MMP26: variants seen among roughly 807,000 people sequenced by gnomAD.
MMP26 encodes matrix metalloproteinase-26.
Under a neutral mutation model 31.0 loss-of-function variants are expected in MMP26, and 33 were observed. The ratio of observed to expected loss-of-function variants is 1.06; its 90% CI spans 0.81 to 1.42. The LOEUF (loss-of-function observed/expected upper bound fraction) is 1.42. MMP26 is among the 40% of genes most tolerant of loss of function. The pLI, the probability that MMP26 is intolerant of heterozygous loss-of-function variation, is 0.00. For synonymous variants in MMP26, 122 were observed against 114.9 expected (o/e 1.06, Z -0.40); for missense variants, 347 against 316.1 (o/e 1.10, Z -0.74).
chr11:4,866,702 A>G (rs1850239476), intron 2 of MMP26, among the ~76,000 whole-genome samples: 1 of 152,194 alleles, frequency 6.6e-6, no homozygotes, highest in Non-Finnish European at 1.5e-5. Flanking sequence ...GGCTACAGTA[A>G]CCAAAACAGC....
chr11:4,856,506 C>T (rs1334683168), intron 2 of MMP26, among the ~76,000 whole-genome samples: 1 of 152,178 alleles, frequency 6.6e-6, no homozygotes, highest in African/African-American at 2.4e-5. Context: ...GGGATCAATT[C>T]AACAAGAAGA....
At chr11:4,838,812 C>A (rs1191115815) in intron 2 of MMP26, among the ~76,000 whole-genome samples, 1 of 152,154 alleles carries the variant, frequency 6.6e-6, no homozygotes, top group Non-Finnish European at 1.5e-5. Flanking sequence ...TGATTTAACA[C>A]CTGTACATAA....
rs777001559 is a variant in MMP26, at chr11:4,992,214, G to A, written c.758G>A (p.Gly253Glu). The change falls in exon 8 of 8, where the codon GGA becomes GAA. Residue 253 changes from glycine to glutamate, a missense_variant and splice_region_variant. Transcript: ENST00000380390. ...DDIQRIQHLY[G>E]EKCSSDIP ...TTGTTTTTTTTTTCTGTTTCCATAG[G>A]AGAAAAATGTTCATCTGACATACCT... The A allele has an allele frequency of 2.2e-5, 35 of 1,611,006 alleles. No individual in the cohort carries two copies. The East Asian group carries it at 7.8e-4, about 36-fold the overall frequency.
intron 2 of MMP26, among the ~76,000 whole-genome samples, chr11:4,783,975 C>T (rs949249261): frequency 6.6e-6 from 1 of 152,136 alleles, no homozygotes; most frequent in Non-Finnish European, 1.5e-5. Flanking sequence ...TCAGGTATGT[C>T]TTTATCAGAA....
At chr11:4,780,148 A>T (rs80154395) in intron 2 of MMP26, among the ~76,000 whole-genome samples, 6,539 of 152,220 alleles carry the variant, frequency 0.043, 488 homozygotes, top group African/African-American at 0.15. Flanking sequence ...AAATATTGTT[A>T]TTGTAAACTT....
At chr11:4,974,305 AG>A (rs1164696762) in intron 2 of MMP26, among the ~76,000 whole-genome samples, 2 of 151,878 alleles carry the variant, frequency 1.3e-5, no homozygotes, top group African/African-American at 2.4e-5. Context: ...CTGAAAAAAA[AG>A]GTCTAAAATT....
chr11:4,887,535 A>G (rs1448557652), intron 2 of MMP26, among the ~76,000 whole-genome samples: 1 of 152,154 alleles, frequency 6.6e-6, no homozygotes, highest in Non-Finnish European at 1.5e-5. Flanking sequence ...TGAACAGAAC[A>G]TGAACTGTTT....
At chr11:4,972,138 T>C (rs1846674019) in intron 2 of MMP26, among the ~76,000 whole-genome samples, 1 of 152,152 alleles carries the variant, frequency 6.6e-6, no homozygotes, top group South Asian at 2.1e-4. Context: ...TGGTAGAATA[T>C]GAGGAAATCA....
chr11:4,977,894 ATGGTAGGCTT>A (rs1057211514), intron 2 of MMP26, among the ~76,000 whole-genome samples: 2 of 151,994 alleles, frequency 1.3e-5, no homozygotes, highest in Non-Finnish European at 2.9e-5. Flanking sequence ...GTGCATTGAT[ATGGTAGGCTT>A]TGTGTCCCCA....
chr11:4,954,925 G>A (rs781729811), intron 2 of MMP26: 2 of 1,190,512 alleles, frequency 1.7e-6, no homozygotes, highest in South Asian at 1.2e-5. Context: ...CGGCAAAGCG[G>A]TGGACAACGG....
intron 2 of MMP26, chr11:4,889,986 C>A (rs896254121): frequency 6.1e-6 from 1 of 164,036 alleles, no homozygotes; most frequent in African/African-American, 2.4e-5. Context: ...AGCTTCCTGA[C>A]ATCCTGATGG....
At chr11:4,821,331 TGAAG>T (rs1849494186) in intron 2 of MMP26, 1 of 1,385,848 alleles carries the variant, frequency 7.2e-7, no homozygotes, top group Non-Finnish European at 1.0e-6. Flanking sequence ...CAGTGAATCT[TGAAG>T]TGCCAGAGAG....
chr11:4,965,097 C>T (rs1212414855), intron 2 of MMP26, among the ~76,000 whole-genome samples: 2 of 152,056 alleles, frequency 1.3e-5, no homozygotes, highest in African/African-American at 4.8e-5. Context: ...GTTGATTATC[C>T]AACAAAGGAC....
intron 2 of MMP26, among the ~76,000 whole-genome samples, chr11:4,965,807 A>G (rs1037200476): frequency 3.9e-5 from 6 of 152,184 alleles, no homozygotes; most frequent in Non-Finnish European, 7.3e-5. Context: ...TAGAGGTTCC[A>G]TGGACTTTCT....
Position 4,954,234 on chromosome 11 carries a change from G to A in MMP26, c.-144-33834G>A, listed in dbSNP as rs1452321377. On this transcript the variant is annotated intron_variant, in intron 2 of 7. Transcript: ENST00000380390. ...GAAATGCTTGGTGACTTCTAGGGTG[G>A]GGAAATGATGGGGCGGGGATTGGAC... Among the ~76,000 whole-genome samples, 5 of 104,154 alleles carry A rather than the reference G, an allele frequency of 4.8e-5. 2 individuals carry two copies. Among genetic ancestry groups the A allele is most frequent in the Non-Finnish European group, 8.6e-5 (4 of 46,502 alleles). 68.3% of individuals were successfully genotyped at this position (104,154 alleles called of 152,430 possible).
intron 2 of MMP26, chr11:4,803,564 G>A (rs199922393): frequency 1.8e-5 from 29 of 1,613,752 alleles, no homozygotes; most frequent in South Asian, 1.1e-4. Flanking sequence ...TGTACAACTC[G>A]GGGCACATCA....
intron 1 of MMP26, among the ~76,000 whole-genome samples, chr11:4,706,769 A>G (rs1209795816): frequency 6.6e-6 from 1 of 151,516 alleles, no homozygotes; most frequent in Non-Finnish European, 1.5e-5. Context: ...CATCTCCCCC[A>G]TTTTTCCCTC....
chr11:4,848,582 C>G (rs775384301), intron 2 of MMP26: 5 of 1,606,444 alleles, frequency 3.1e-6, no homozygotes, highest in Non-Finnish European at 4.2e-6. Flanking sequence ...CTGAAAGAAC[C>G]ACAAATAGGC....
intron 2 of MMP26, among the ~76,000 whole-genome samples, chr11:4,926,081 C>T (rs1851268129): frequency 6.6e-6 from 1 of 152,116 alleles, no homozygotes; most frequent in African/African-American, 2.4e-5. Flanking sequence ...AGTAGAAGCA[C>T]ATTGAAGGGC....
Sources: allele counts gnomAD v4.1 joint callset (sites outside exome capture counted in the v4.1 genomes callset), GRCh38; gene constraint gnomAD v4.1.1; transcripts MANE v1.5; gene names NCBI Gene and HGNC (gene_info 2026-07-23, HGNC 2026-07-21).